BBOX1: variants seen among roughly 807,000 people sequenced by gnomAD.
BBOX1 encodes gamma-butyrobetaine dioxygenase.
A neutral mutation model predicts 41.6 loss-of-function variants in BBOX1; 35 were observed. That is an observed-to-expected ratio of 0.84 (90% CI 0.64 to 1.11). The LOEUF is 1.11. Among genes scored for constraint, BBOX1 ranks in the 50% most tolerant of loss-of-function variants. The pLI is 0.00. For synonymous variants in BBOX1, 163 were observed against 154.7 expected (o/e 1.05, Z -0.40); for missense variants, 458 against 460.6 (o/e 0.99, Z 0.05).
At chr11:27,072,037 C>T (rs564567718) in intron 4 of BBOX1, among the ~76,000 whole-genome samples, 236 of 152,296 alleles carry the variant, frequency 1.5e-3, no homozygotes, top group African/African-American at 5.4e-3. Flanking sequence ...TTTCTCACTA[C>T]TCCTATTCAA....
intron 3 of BBOX1, among the ~76,000 whole-genome samples, chr11:27,056,242 CACT>C (rs1856975329): frequency 6.6e-6 from 1 of 152,066 alleles, no homozygotes; most frequent in African/African-American, 2.4e-5. Flanking sequence ...TCCTTATCAT[CACT>C]ACTATTACTT....
intron 5 of BBOX1, among the ~76,000 whole-genome samples, chr11:27,102,307 G>C (rs1032643120): frequency 2.0e-5 from 3 of 151,982 alleles, no homozygotes; most frequent in African/African-American, 7.3e-5. Flanking sequence ...TGTTAAAATA[G>C]GTTTCCTGTG....
chr11:27,045,274 A>G (rs887012341), intron 2 of BBOX1, among the ~76,000 whole-genome samples: 1 of 152,114 alleles, frequency 6.6e-6, no homozygotes, highest in African/African-American at 2.4e-5. Flanking sequence ...TTGCACATTG[A>G]TTTTGTATCC....
In BBOX1 at chr11:27,097,501, G is replaced by A. The variant is rs1444919613; in HGVS notation, c.533+4135G>A. Among the ~76,000 whole-genome samples the A allele has an allele frequency of 3.9e-5, 6 of 152,010 alleles. No individual in the cohort carries two copies. In the East Asian group the frequency reaches 9.6e-4, roughly 24 times the overall value. On this transcript the variant is annotated intron_variant, in intron 5 of 8. Coordinates refer to ENST00000263182, the MANE Select transcript of BBOX1 (RefSeq NM_003986.3). ...ATAATACGTGCATGGCACTGTACCA[G>A]GCATTTTGTTGGGTTTAGATTTGGG...
chr11:27,103,666 A>T (rs1858752491), intron 5 of BBOX1, among the ~76,000 whole-genome samples: 2 of 151,502 alleles, frequency 1.3e-5, no homozygotes, highest in African/African-American at 4.8e-5. Context: ...GACCATTTTG[A>T]TGAAGACTTT....
chr11:27,102,485 C>G (rs567715553), intron 5 of BBOX1, among the ~76,000 whole-genome samples: 2 of 152,008 alleles, frequency 1.3e-5, no homozygotes, highest in Non-Finnish European at 2.9e-5. Context: ...TGCCTTTTTC[C>G]CCAAGTGTAA....
At chr11:27,117,849 T>C (rs1402874525) in intron 6 of BBOX1, among the ~76,000 whole-genome samples, 1 of 151,960 alleles carries the variant, frequency 6.6e-6, no homozygotes, top group Non-Finnish European at 1.5e-5. Context: ...GTAGACAAGA[T>C]TGATCATGTC....
chr11:27,126,387 C>T (rs1859652278), intron 8 of BBOX1, among the ~76,000 whole-genome samples: 1 of 152,000 alleles, frequency 6.6e-6, no homozygotes, highest in Admixed American at 6.6e-5. Context: ...TTAAAAATGG[C>T]AACATGTAAA....
intron 5 of BBOX1, among the ~76,000 whole-genome samples, chr11:27,106,365 A>C (rs989546076): frequency 3.9e-5 from 6 of 151,902 alleles, no homozygotes; most frequent in Non-Finnish European, 4.4e-5. Context: ...CAGAGACACA[A>C]ATAGGCTCAA....
At chr11:27,110,962 T>C (rs1368524388) in intron 5 of BBOX1, among the ~76,000 whole-genome samples, 3 of 151,974 alleles carry the variant, frequency 2.0e-5, no homozygotes, top group African/African-American at 7.2e-5. Flanking sequence ...CAATTACCCA[T>C]TGTCTGGATC....
intron 5 of BBOX1, among the ~76,000 whole-genome samples, chr11:27,103,807 C>T (rs1398318775): frequency 6.6e-6 from 1 of 151,886 alleles, no homozygotes; most frequent in Non-Finnish European, 1.5e-5. Context: ...TTCTACTTAT[C>T]CTGGGTTTTT....
chr11:27,046,543 G>A (rs988825105), intron 2 of BBOX1, among the ~76,000 whole-genome samples: 1 of 151,922 alleles, frequency 6.6e-6, no homozygotes, highest in East Asian at 1.9e-4. Flanking sequence ...CTGTTTTTCA[G>A]AACAGGTGAA....
intron 5 of BBOX1, among the ~76,000 whole-genome samples, chr11:27,111,528 G>T (rs1394394848): frequency 2.6e-5 from 4 of 151,780 alleles, no homozygotes; most frequent in Non-Finnish European, 5.9e-5. Context: ...ATTTTAAAGT[G>T]TAATTAGTTT....
chr11:27,092,657 A>T (rs1402256020), intron 4 of BBOX1, among the ~76,000 whole-genome samples: 1 of 151,938 alleles, frequency 6.6e-6, no homozygotes, highest in Non-Finnish European at 1.5e-5. Context: ...TTGATCCCAG[A>T]GGTTGCTTCT....
chr11:27,101,011 T>C (rs1858627323), intron 5 of BBOX1, among the ~76,000 whole-genome samples: 1 of 152,086 alleles, frequency 6.6e-6, no homozygotes, highest in Non-Finnish European at 1.5e-5. Context: ...ATTTTGAATC[T>C]TCACAATTCT....
rs1206763562 is a variant in BBOX1 at position 27,041,218 on chromosome 11, C to CA, written c.-292dup. ...TTTTTTTTTTAAAAAAAACACAGCA[C>CA]AAAAAAACAAAGACAAAAAACCTCC... is the stretch of plus-strand genomic sequence containing the variant. On this transcript the variant is annotated 5_prime_UTR_variant, in exon 2 of 9. Transcript: ENST00000263182. 1.4e-5 allele frequency: 2 copies of CA among 140,982 alleles called. No homozygotes were observed. Among genetic ancestry groups the CA allele is most frequent in the Non-Finnish European group, 3.1e-5 (2 of 65,324 alleles). The allele number at this position is 140,982 out of a possible 1,614,324, so 8.7% of individuals were successfully genotyped here.
chr11:27,099,187 G>A (rs1858554184), intron 5 of BBOX1, among the ~76,000 whole-genome samples: 1 of 151,734 alleles, frequency 6.6e-6, no homozygotes, highest in African/African-American at 2.4e-5. Context: ...AAGTCAAGCA[G>A]AAGAGAATAA....
chr11:27,125,526 T>A (rs1859620999), intron 7 of BBOX1, 128 bp from the exon 8 acceptor site: 2 of 741,438 alleles, frequency 2.7e-6, no homozygotes, highest in Non-Finnish European at 2.0e-6. Flanking sequence ...AGCCTTAATA[T>A]CTTCTGTACA....
rs1398348212 is a variant in BBOX1, at chr11:27,093,347, C to T, written c.514C>T (p.Leu172Phe). The stretch of plus-strand genomic sequence containing the variant: ...AAAACTTGGGAAAAGGATGGGTTTC[C>T]TCTATCTCACATTTTATGGGTGAGT... ...VSKLGKRMGF[L>F]YLTFYGHTWQ... Residue 172 changes from leucine to phenylalanine, a missense_variant, in exon 5 of 9, where the codon CTC becomes TTC. Coordinates refer to ENST00000263182, the MANE Select transcript of BBOX1 (RefSeq NM_003986.3). The T allele has an allele frequency of 6.2e-7, 1 of 1,612,226 alleles. No individual in the cohort carries two copies. The highest frequency in any genetic ancestry group is 1.1e-5 in the South Asian group (1 of 91,032).
Sources: allele counts gnomAD v4.1 joint callset (sites outside exome capture counted in the v4.1 genomes callset), GRCh38; gene constraint gnomAD v4.1.1; transcripts MANE v1.5; gene names NCBI Gene and HGNC (gene_info 2026-07-23, HGNC 2026-07-21).